PRPSAP1: variants seen among roughly 807,000 people sequenced by gnomAD.
The protein encoded by PRPSAP1 is phosphoribosyl pyrophosphate synthetase associated protein 1, also known as phosphoribosyl pyrophosphate synthase-associated protein 1.
A neutral mutation model predicts 39.4 loss-of-function variants in PRPSAP1; 31 were observed. The ratio of observed to expected loss-of-function variants is 0.79; its 90% CI spans 0.59 to 1.06. PRPSAP1 has a LOEUF of 1.06. PRPSAP1 is among the 50% of genes least tolerant of loss of function. The pLI, the probability that PRPSAP1 is intolerant of heterozygous loss-of-function variation, is 0.00. For missense variants in PRPSAP1, 430 were observed against 511.6 expected (o/e 0.84, Z 1.54); for synonymous variants, 212 against 192.6 (o/e 1.10, Z -0.83).
intron 3 of PRPSAP1, among the ~76,000 whole-genome samples, chr17:76,337,045 T>C (rs402273): frequency 0.76 from 116,087 of 152,036 alleles, 44,598 homozygotes; most frequent in Non-Finnish European, 0.8. Flanking sequence ...GTAGTCTTTA[T>C]CTCTAAGTAG....
intron 9 of PRPSAP1, 136 bp from the exon 10 acceptor site, chr17:76,311,836 G>GT (rs1201795709): frequency 1.9e-6 from 2 of 1,059,172 alleles, no homozygotes; most frequent in Non-Finnish European, 2.6e-6. Flanking sequence ...ACCGAGTATA[G>GT]TTTTTATAAA....
At chr17:76,328,566 G>A (rs1598526303) in intron 7 of PRPSAP1, 151 bp downstream of exon 7, 4 of 982,788 alleles carry the variant, frequency 4.1e-6, no homozygotes, top group East Asian at 5.4e-5. Context: ...CCAAGATCAC[G>A]CCACTGCACT....
At chr17:76,339,381 G>A (rs1840721000) in intron 3 of PRPSAP1, among the ~76,000 whole-genome samples, 1 of 151,676 alleles carries the variant, frequency 6.6e-6, no homozygotes, top group Non-Finnish European at 1.5e-5. Context: ...CTCCAGCCTG[G>A]GCAACACAGC....
At chr17:76,320,177 C>T (rs535163262) in intron 7 of PRPSAP1, among the ~76,000 whole-genome samples, 7 of 151,382 alleles carry the variant, frequency 4.6e-5, no homozygotes, top group Admixed American at 6.6e-5. Context: ...GAACGAGCCA[C>T]GAGAATCACT....
intron 9 of PRPSAP1, among the ~76,000 whole-genome samples, chr17:76,311,971 A>G (rs1470967952): frequency 6.6e-6 from 1 of 152,198 alleles, no homozygotes; most frequent in Non-Finnish European, 1.5e-5. Context: ...CAAAACTCTC[A>G]GATCATAAGG....
intron 2 of PRPSAP1, among the ~76,000 whole-genome samples, chr17:76,347,811 G>A (rs912117554): frequency 1.3e-5 from 2 of 152,066 alleles, no homozygotes; most frequent in Non-Finnish European, 2.9e-5. Context: ...GGACTTAAGT[G>A]GGAGCAGCAG....
chr17:76,353,981 G>C (rs541573253), upstream of PRPSAP1: 5 of 1,283,582 alleles, frequency 3.9e-6, no homozygotes, highest in Non-Finnish European at 4.9e-6. Context: ...CCGCCATCTC[G>C]GATGAGGGCA....
chr17:76,327,962 T>C (rs560284913), intron 7 of PRPSAP1, among the ~76,000 whole-genome samples: 9 of 152,078 alleles, frequency 5.9e-5, no homozygotes, highest in African/African-American at 2.2e-4. Flanking sequence ...GACAGGAGGA[T>C]TGTTTGAGCA....
chr17:76,336,466 C>G (rs1199790248), intron 3 of PRPSAP1, among the ~76,000 whole-genome samples: 2 of 146,258 alleles, frequency 1.4e-5, no homozygotes, highest in Admixed American at 1.4e-4. Flanking sequence ...GGCACGGTGG[C>G]TCACACCTGT....
At chr17:76,344,589 A>C (rs1290388937) in intron 3 of PRPSAP1, 82 bp downstream of exon 3, 5 of 1,189,134 alleles carry the variant, frequency 4.2e-6, no homozygotes, top group Non-Finnish European at 6.1e-6. Flanking sequence ...TAAAAACACT[A>C]AGTTGTTGTT....
intron 7 of PRPSAP1, among the ~76,000 whole-genome samples, chr17:76,325,972 A>T (rs1415855730): frequency 1.3e-5 from 2 of 152,136 alleles, no homozygotes; most frequent in African/African-American, 4.8e-5. Context: ...TTTTAGACAC[A>T]ATGATATTGA....
chr17:76,334,561 T>C (rs550754033), intron 3 of PRPSAP1, among the ~76,000 whole-genome samples: 42 of 152,276 alleles, frequency 2.8e-4, no homozygotes, highest in Middle Eastern at 3.4e-3. Context: ...GTTCAATTCC[T>C]GGAACTTCCA....
At chr17:76,318,330 A>G (rs1374949086) in intron 7 of PRPSAP1, among the ~76,000 whole-genome samples, 1 of 152,122 alleles carries the variant, frequency 6.6e-6, no homozygotes, top group East Asian at 1.9e-4. Context: ...AGCACCTGTA[A>G]TCCCAGCTAC....
chr17:76,325,597 A>C (rs931702052), intron 7 of PRPSAP1, among the ~76,000 whole-genome samples: 1 of 120,278 alleles, frequency 8.3e-6, no homozygotes, highest in African/African-American at 4.5e-5. Context: ...GATGACTGCT[A>C]ATTTTTTTTT....
At chr17:76,324,072 G>C (rs907344561) in intron 7 of PRPSAP1, among the ~76,000 whole-genome samples, 4 of 151,572 alleles carry the variant, frequency 2.6e-5, no homozygotes, top group Admixed American at 6.6e-5. Flanking sequence ...GGACCCAGGA[G>C]GCAGAAGTTG....
rs533747635 is a variant in PRPSAP1, at chr17:76,311,342, G to A, written c.*200C>T. 9.6e-6 allele frequency: 5 copies of A among 519,690 alleles called. No homozygotes were observed. The highest frequency in any genetic ancestry group is 3.7e-5 in the Admixed American group (1 of 26,946). 32.2% of individuals were successfully genotyped at this position (519,690 alleles called of 1,614,324 possible). On this transcript the variant is annotated 3_prime_UTR_variant, in exon 10 of 10. Transcript: ENST00000446526. Reference sequence around the variant, plus strand: ...AGGGCTGATGACAGCAGACATGTAAGGCCATGTTATGATATTTATCCATTA... The same window carrying A: ...AGGGCTGATGACAGCAGACATGTAAAGCCATGTTATGATATTTATCCATTA...
rs764174305 is a variant in PRPSAP1, at chr17:76,344,663, C to T, written c.290+8G>A. On this transcript the variant is annotated splice_region_variant and intron_variant, in intron 3 of 9. Coordinates refer to ENST00000446526, the MANE Select transcript of PRPSAP1 (RefSeq NM_002766.3). ...ACAGAAAAGAGATAAAGTAGTCAGT[C>T]CTCTTACCTGGGTATTGTCTGTATA... is the stretch of plus-strand genomic sequence containing the variant. The T allele has an allele frequency of 7.4e-5, 114 of 1,542,906 alleles. No homozygotes were observed. Among genetic ancestry groups the T allele is most frequent in the Non-Finnish European group, 9.4e-5 (106 of 1,129,408 alleles).
At chr17:76,332,597 C>G (rs540281312) in intron 3 of PRPSAP1, among the ~76,000 whole-genome samples, 162 bp from the exon 4 acceptor site, 11 of 152,204 alleles carry the variant, frequency 7.2e-5, no homozygotes, top group Admixed American at 2.0e-4. Context: ...GGGAAGCTTT[C>G]TGACTTTTTG....
intron 7 of PRPSAP1, among the ~76,000 whole-genome samples, chr17:76,315,579 G>A (rs2071113676): frequency 6.6e-6 from 1 of 151,632 alleles, no homozygotes; most frequent in Non-Finnish European, 1.5e-5. Flanking sequence ...AGAAGGCTTT[G>A]CATATAAAAT....
Sources: allele counts gnomAD v4.1 joint callset (sites outside exome capture counted in the v4.1 genomes callset), GRCh38; gene constraint gnomAD v4.1.1; transcripts MANE v1.5; gene names NCBI Gene and HGNC (gene_info 2026-07-23, HGNC 2026-07-21).